The following CHD2 variants were observed in gnomAD, a reference collection of about 807,000 sequenced individuals.
CHD2 encodes chromodomain helicase DNA binding protein 2.
Under a neutral mutation model 243.9 loss-of-function variants are expected in CHD2, and 28 were observed. The observed-to-expected ratio is 0.11, with a 90% CI of 0.09 to 0.16. The LOEUF is 0.16. CHD2 is among the 10% of genes least tolerant of loss of function. CHD2 has a pLI of 1.00. For synonymous variants in CHD2, 775 were observed against 779.0 expected (o/e 0.99, Z 0.09); for missense variants, 1,386 against 2,209.8 (o/e 0.63, Z 7.47).
intron 37 of CHD2, among the ~76,000 whole-genome samples, chr15:93,016,997 T>C (rs2054470700): frequency 6.6e-6 from 1 of 152,082 alleles, no homozygotes; most frequent in Non-Finnish European, 1.5e-5. Flanking sequence ...AAATATAAAT[T>C]AAAGCAACAA....
At chr15:92,935,047 T>G (rs1439591903) in intron 5 of CHD2, among the ~76,000 whole-genome samples, 2 of 151,270 alleles carry the variant, frequency 1.3e-5, no homozygotes, top group African/African-American at 4.9e-5. Context: ...TCTTTTTTTT[T>G]TTTTTGAGAA....
intron 20 of CHD2, among the ~76,000 whole-genome samples, chr15:92,976,034 C>T (rs895272469): frequency 2.0e-5 from 3 of 152,150 alleles, no homozygotes; most frequent in Non-Finnish European, 4.4e-5. Context: ...ATTTGGTAAT[C>T]AACATAAAGC....
intron 25 of CHD2, among the ~76,000 whole-genome samples, chr15:92,984,794 G>A (rs1308462566): frequency 6.6e-6 from 1 of 152,178 alleles, no homozygotes; most frequent in African/African-American, 2.4e-5. Context: ...TCACAGTTTG[G>A]CTGTTAATTG....
rs377032717 is a variant in CHD2, at chr15:92,951,331, T to C, written c.1503-2026T>C. Among the ~76,000 whole-genome samples, 7 of 152,036 alleles carry C rather than the reference T, an allele frequency of 4.6e-5. No homozygotes were observed. The East Asian group carries it at 7.7e-4, about 17-fold the overall frequency. On this transcript the variant is annotated intron_variant, in intron 13 of 38. Transcript: ENST00000394196. ...GATTACACGCACGCACCACCATGCCTGGCTAATTTTTGTATTTTTAGTAGA... is the reference window on the plus strand; with the variant it reads ...GATTACACGCACGCACCACCATGCCCGGCTAATTTTTGTATTTTTAGTAGA...
chr15:92,904,825 T>C (rs1258864597), intron 2 of CHD2: 7 of 1,504,062 alleles, frequency 4.7e-6, no homozygotes, highest in Non-Finnish European at 6.2e-6. Flanking sequence ...TTTGTTACAA[T>C]TGACCAAAAC....
chr15:92,974,236 A>G (rs2053879088), intron 19 of CHD2, among the ~76,000 whole-genome samples: 1 of 152,164 alleles, frequency 6.6e-6, no homozygotes, highest in Non-Finnish European at 1.5e-5. Context: ...GAACTGACAT[A>G]TGTTCTAATA....
intron 3 of CHD2, among the ~76,000 whole-genome samples, chr15:92,925,086 C>T (rs2053033918): frequency 6.6e-6 from 1 of 152,174 alleles, no homozygotes; most frequent in Admixed American, 6.5e-5. Context: ...TAGACCTGAG[C>T]CACCATGCCC....
chr15:93,000,646 A>C lies in CHD2; in HGVS notation c.4137+6A>C, dbSNP rs763957955. ...CAGAAGAGGGAGAAGTGAAAGTATG[A>C]AGTGGGGTTTCGGTTGAGGGTTATT... is the stretch of plus-strand genomic sequence containing the variant. On this transcript the variant is annotated splice_donor_region_variant and intron_variant, in intron 32 of 38. Transcript: ENST00000394196. 51 of 1,608,082 alleles carry C rather than the reference A, an allele frequency of 3.2e-5. No homozygotes were observed. The highest frequency in any genetic ancestry group is 5.1e-6 in the Non-Finnish European group (6 of 1,177,604).
chr15:92,996,051 C>G (rs1190314016), intron 28 of CHD2, among the ~76,000 whole-genome samples: 1 of 152,058 alleles, frequency 6.6e-6, no homozygotes, highest in Non-Finnish European at 1.5e-5. Context: ...AAGGAGTTTT[C>G]CTCTCACAGG....
At chr15:92,949,468 C>T (rs2053522466) in intron 13 of CHD2, among the ~76,000 whole-genome samples, 2 of 152,070 alleles carry the variant, frequency 1.3e-5, no homozygotes, top group Non-Finnish European at 1.5e-5. Flanking sequence ...CCAGGGAAGC[C>T]TTTAAATTAA....
At chr15:92,936,324 C>G (rs2053266833) in intron 5 of CHD2, among the ~76,000 whole-genome samples, 1 of 152,190 alleles carries the variant, frequency 6.6e-6, no homozygotes, top group Non-Finnish European at 1.5e-5. Flanking sequence ...TGACCTCATT[C>G]CCTATAAAGT....
At chr15:92,963,477 A>T (rs1460315612) in intron 16 of CHD2, among the ~76,000 whole-genome samples, 1 of 152,210 alleles carries the variant, frequency 6.6e-6, no homozygotes, top group Admixed American at 6.5e-5. Context: ...CAAGAATACA[A>T]GGAAATAATT....
rs1229844811 is a variant in CHD2, at chr15:93,026,428, A to T, written c.*1723A>T. 1 of 152,282 alleles carries T rather than the reference A, an allele frequency of 6.6e-6. No homozygotes were observed. Among genetic ancestry groups the T allele is most frequent in the Admixed American group, 6.5e-5 (1 of 15,292 alleles). 9.4% of individuals were successfully genotyped at this position (152,282 alleles called of 1,614,324 possible). A position where few individuals can be genotyped will look rare whatever the true frequency, so the allele number is the denominator to read the frequency against. On this transcript the variant is annotated 3_prime_UTR_variant, in exon 39 of 39. Transcript: ENST00000394196. ...ACCCTTGCTCCCTGCTACACAGAGC[A>T]TCGCAGGGCTGGCCTGTGTGGTTTC...
intron 18 of CHD2, 135 bp downstream of exon 18, chr15:92,972,062 A>G: frequency 1.9e-6 from 2 of 1,074,364 alleles, no homozygotes; most frequent in South Asian, 1.7e-5. Context: ...GGGAGAGAAA[A>G]GGTAACTAAG....
At chr15:92,941,243 C>G (rs903086064) in intron 7 of CHD2, among the ~76,000 whole-genome samples, 2 of 151,772 alleles carry the variant, frequency 1.3e-5, no homozygotes, top group East Asian at 3.9e-4. Flanking sequence ...TCACCTGTGT[C>G]AGCCTCCCAA....
intron 7 of CHD2, among the ~76,000 whole-genome samples, chr15:92,940,695 A>G (rs1275821494): frequency 6.7e-6 from 1 of 149,950 alleles, no homozygotes; most frequent in Non-Finnish European, 1.5e-5. Flanking sequence ...TACTACATCC[A>G]GGATTGTTTT....
At chr15:92,996,852 A>G in intron 28 of CHD2, 105 bp from the exon 29 acceptor site, 3 of 1,084,356 alleles carry the variant, frequency 2.8e-6, no homozygotes, top group Non-Finnish European at 3.9e-6. Context: ...ACAATAAGCC[A>G]GAGATATATT....
chr15:92,973,010 G>A (rs1356053627), intron 19 of CHD2, among the ~76,000 whole-genome samples: 1 of 152,188 alleles, frequency 6.6e-6, no homozygotes, highest in Non-Finnish European at 1.5e-5. Context: ...AAAAAAGGAT[G>A]TCAGATGGCA....
At chr15:92,908,838 G>A (rs1214868520) in intron 2 of CHD2, among the ~76,000 whole-genome samples, 1 of 152,192 alleles carries the variant, frequency 6.6e-6, no homozygotes. Context: ...GTATACACAG[G>A]CTGGGCGTGG....
Sources: allele counts gnomAD v4.1 joint callset (sites outside exome capture counted in the v4.1 genomes callset), GRCh38; gene constraint gnomAD v4.1.1; transcripts MANE v1.5; gene names NCBI Gene and HGNC (gene_info 2026-07-23, HGNC 2026-07-21).